The following KANK1 variants were observed in gnomAD, a reference collection of about 807,000 sequenced individuals.
The protein encoded by KANK1 is KN motif and ankyrin repeat domain-containing protein 1.
Under a neutral mutation model 106.2 loss-of-function variants are expected in KANK1, and 109 were observed. The observed-to-expected ratio is 1.03, with a 90% confidence interval of 0.88 to 1.20. The LOEUF (loss-of-function observed/expected upper bound fraction) is 1.20. Among genes scored for constraint, KANK1 ranks in the 50% most tolerant of loss-of-function variants. KANK1 has a pLI of 0.00. For synonymous variants in KANK1, 873 were observed against 652.2 expected (o/e 1.34, Z -5.16); for missense variants, 2,399 against 1,710.7 (o/e 1.40, Z -7.10).
chr9:720,584 A>G (rs1829045186), intron 3 of KANK1, among the ~76,000 whole-genome samples: 1 of 152,210 alleles, frequency 6.6e-6, no homozygotes, highest in African/African-American at 2.4e-5. Context: ...TGCAACTCCC[A>G]GGCTCAAGCA....
chr9:589,913 A>G (rs933506355), intron 1 of KANK1, among the ~76,000 whole-genome samples: 4 of 152,178 alleles, frequency 2.6e-5, no homozygotes, highest in African/African-American at 9.6e-5. Flanking sequence ...CTGGGCTCCA[A>G]GTCGACAGAT....
At chr9:600,102 G>C (rs766466766) in intron 1 of KANK1, among the ~76,000 whole-genome samples, 1 of 151,626 alleles carries the variant, frequency 6.6e-6, no homozygotes, top group African/African-American at 2.4e-5. Flanking sequence ...GCACAATTCA[G>C]TAATGTTGTT....
intron 3 of KANK1, among the ~76,000 whole-genome samples, chr9:479,389 G>T (rs558295780): frequency 6.6e-6 from 1 of 152,322 alleles, no homozygotes; most frequent in South Asian, 2.1e-4. Context: ...GGGGACGGGG[G>T]CTTGAAGTCA....
chr9:611,404 A>C (rs1830520418), intron 1 of KANK1, among the ~76,000 whole-genome samples: 1 of 152,210 alleles, frequency 6.6e-6, no homozygotes, highest in Non-Finnish European at 1.5e-5. Flanking sequence ...AAAAAAGTAC[A>C]GGACTCAAGT....
chr9:505,540 C>G (rs1275523200), intron 1 of KANK1, among the ~76,000 whole-genome samples: 1 of 152,218 alleles, frequency 6.6e-6, no homozygotes, highest in Admixed American at 6.5e-5. Context: ...AGCCACGGCT[C>G]CTTGACCGTT....
intron 2 of KANK1, among the ~76,000 whole-genome samples, chr9:677,349 G>C (rs1010885987): frequency 1.3e-5 from 2 of 152,286 alleles, no homozygotes; most frequent in South Asian, 4.1e-4. Flanking sequence ...GAGGAAATTA[G>C]TTTGGATGCT....
At chr9:537,207 G>T (rs1420115085) in intron 1 of KANK1, among the ~76,000 whole-genome samples, 1 of 152,150 alleles carries the variant, frequency 6.6e-6, no homozygotes, top group Non-Finnish European at 1.5e-5. Context: ...CTGCGTTGAT[G>T]CTTGCACCTC....
intron 2 of KANK1, among the ~76,000 whole-genome samples, chr9:683,004 A>G (rs953790886): frequency 9.2e-5 from 14 of 152,142 alleles, no homozygotes; most frequent in African/African-American, 2.2e-4. Context: ...ATTACGTGCT[A>G]TTTGTCAAGT....
At chr9:556,530 G>A (rs572809124) in intron 1 of KANK1, among the ~76,000 whole-genome samples, 3 of 152,270 alleles carry the variant, frequency 2.0e-5, no homozygotes, top group East Asian at 3.9e-4. Context: ...TAAAATTTGA[G>A]GAATTAGATA....
chr9:660,295 A>G (rs1588662574), intron 1 of KANK1: 1 of 226,502 alleles, frequency 4.4e-6, no homozygotes. Flanking sequence ...GGAATGGCTA[A>G]GGACAACCAG....
At chr9:742,173 ACTTCTGAAGTC>A in intron 9 of KANK1, 21 bp from the exon 10 acceptor site, 1 of 1,600,392 alleles carries the variant, frequency 6.2e-7, no homozygotes, top group Non-Finnish European at 8.6e-7. Flanking sequence ...CTCAGTACGT[ACTTCTGAAGTC>A]CTTGTCATCT....
In KANK1 at chr9:658,444, TGGCCCC is replaced by T. The variant is rs549771296; in HGVS notation, c.-83-18444_-83-18439del. On this transcript the variant is annotated intron_variant, in intron 1 of 11. Transcript: ENST00000382297. ...TAGCTGAAATATATGGAGCTCTTTC[TGGCCCC>T]GAGCCTCCAGACCTTTTAAAGAAAA... Among the ~76,000 whole-genome samples the T allele has an allele frequency of 7.2e-5, 11 of 151,996 alleles. No homozygotes were observed. The South Asian group carries it at 2.3e-3, about 32-fold the overall frequency.
chr9:562,047 T>TTC (rs1422818248), intron 1 of KANK1, among the ~76,000 whole-genome samples: 3 of 138,896 alleles, frequency 2.2e-5, no homozygotes, highest in Non-Finnish European at 4.7e-5. Context: ...ATTTTCTTTT[T>TTC]TTTTTTTTTT....
At chr9:580,956 C>T (rs569456524) in intron 1 of KANK1, among the ~76,000 whole-genome samples, 5 of 152,282 alleles carry the variant, frequency 3.3e-5, no homozygotes, top group South Asian at 2.1e-4. Context: ...TGGAGCGCAG[C>T]GCTGGCAGGC....
intron 1 of KANK1, among the ~76,000 whole-genome samples, chr9:640,898 A>G (rs747410188): frequency 1.5e-4 from 22 of 150,696 alleles, no homozygotes; most frequent in Non-Finnish European, 2.4e-4. Flanking sequence ...GGGTTTCACC[A>G]TGTTAGCCAG....
At chr9:588,492 C>T (rs1011041591) in intron 1 of KANK1, among the ~76,000 whole-genome samples, 2 of 151,938 alleles carry the variant, frequency 1.3e-5, no homozygotes, top group Admixed American at 6.6e-5. Flanking sequence ...ACTGTTTTCT[C>T]GAAAGGCCAC....
chr9:714,549 G>A (rs1406866274), intron 3 of KANK1, among the ~76,000 whole-genome samples: 2 of 151,780 alleles, frequency 1.3e-5, no homozygotes, highest in Non-Finnish European at 2.9e-5. Flanking sequence ...GTAGAGATAG[G>A]GTTTCACCAC....
chr9:593,451 TC>T (rs34970472), intron 1 of KANK1, among the ~76,000 whole-genome samples: 57,458 of 140,638 alleles, frequency 0.41, 14,685 homozygotes, highest in South Asian at 0.59. Context: ...CTTTATACAT[TC>T]CCCCCCCCCA....
intron 1 of KANK1, among the ~76,000 whole-genome samples, chr9:599,996 T>C (rs1827313785): frequency 6.6e-6 from 1 of 151,866 alleles, no homozygotes; most frequent in South Asian, 2.1e-4. Context: ...TTTAAGGTAA[T>C]AAGAATTGCT....
Sources: gnomAD v4.1 joint callset for allele counts (sites outside exome capture counted in the v4.1 genomes callset) on GRCh38, gnomAD v4.1.1 for gene constraint, MANE v1.5 for transcripts, NCBI Gene and HGNC (gene_info 2026-07-23, HGNC 2026-07-21) for gene names.